Variants in KCNK10 observed in about 807,000 individuals in gnomAD.
KCNK10 encodes the protein potassium channel subfamily K member 10.
KCNK10 carries 25 observed loss-of-function variants against 47.7 expected under a neutral mutation model. That is an observed-to-expected ratio of 0.52 (90% confidence interval 0.38 to 0.73). KCNK10 has a LOEUF of 0.73. Ranked by LOEUF, KCNK10 falls within the 30% of genes least tolerant of loss-of-function variation. The probability of loss-of-function intolerance (pLI) is 0.00; values close to 1 mark genes in which losing one functional copy is unlikely to be tolerated. For synonymous variants in KCNK10, 303 were observed against 285.6 expected (o/e 1.06, Z -0.61); for missense variants, 563 against 714.5 (o/e 0.79, Z 2.42).
chr14:88,202,936 T>C (rs1414428993), intron 4 of KCNK10, among the ~76,000 whole-genome samples: 1 of 152,132 alleles, frequency 6.6e-6, no homozygotes, highest in African/African-American at 2.4e-5. Context: ...CGACAGAGGG[T>C]GAGGGACTGG....
chr14:88,232,581 C>G (rs1188137758), intron 3 of KCNK10, among the ~76,000 whole-genome samples: 1 of 152,212 alleles, frequency 6.6e-6, no homozygotes, highest in Non-Finnish European at 1.5e-5. Context: ...TAAAGATCCT[C>G]CACTCTGGAG....
intron 1 of KCNK10, among the ~76,000 whole-genome samples, chr14:88,267,929 A>T (rs1007019171): frequency 3.9e-5 from 6 of 152,300 alleles, no homozygotes; most frequent in Middle Eastern, 3.4e-3. Flanking sequence ...CTCTGCTTAC[A>T]TCACTACATT....
At position 88,247,591 on chromosome 14, in the gene KCNK10, C is replaced by A. The variant is rs1886681111; in HGVS notation, c.403-6771G>T. 2.0e-5 allele frequency among the ~76,000 whole-genome samples: 3 copies of A among 152,292 alleles called. No individual in the cohort carries two copies. The South Asian group carries it at 6.2e-4, about 32-fold the overall frequency. On this transcript the variant is annotated intron_variant, in intron 2 of 6. Transcript: ENST00000319231. The stretch of plus-strand genomic sequence containing the variant: ...AGAACTTTACAGCCTAGTTATAAAT[C>A]TAAAGTGAAGGCCACTGGCAGAAAG...
chr14:88,270,654 G>A, intron 1 of KCNK10: 2 of 776,708 alleles, frequency 2.6e-6, no homozygotes, highest in South Asian at 1.4e-5. Flanking sequence ...AGACTGGGGG[G>A]AAGAGGGAGC....
At chr14:88,201,486 CCT>C (rs575347365) in intron 4 of KCNK10, among the ~76,000 whole-genome samples, 23 of 151,968 alleles carry the variant, frequency 1.5e-4, no homozygotes, top group African/African-American at 5.3e-4. Flanking sequence ...ATGGTGAAAC[CCT>C]GTCTCTACTA....
rs17124368 is a variant in KCNK10 at position 88,249,339 on chromosome 14, A to G, written c.403-8519T>C. 6.9e-4 allele frequency among the ~76,000 whole-genome samples: 105 copies of G among 152,298 alleles called. No individual in the cohort carries two copies. In the East Asian group the frequency reaches 0.018, roughly 26 times the overall value. On this transcript the variant is annotated intron_variant, in intron 2 of 6. Transcript: ENST00000319231. Reference sequence around the variant, plus strand: ...GATAACCCATGGACATTGGTTTTAGATCGAAAAGGGTGACCCAGCTTCAAC... The same window carrying G: ...GATAACCCATGGACATTGGTTTTAGGTCGAAAAGGGTGACCCAGCTTCAAC...
intron 1 of KCNK10, among the ~76,000 whole-genome samples, chr14:88,292,540 G>C (rs776749498): frequency 6.6e-6 from 1 of 152,074 alleles, no homozygotes; most frequent in African/African-American, 2.4e-5. Context: ...CAGTAGAGAC[G>C]GGGTTTTACC....
At chr14:88,215,682 A>AC (rs1317812675) in intron 4 of KCNK10, among the ~76,000 whole-genome samples, 1 of 151,864 alleles carries the variant, frequency 6.6e-6, no homozygotes, top group Admixed American at 6.6e-5. Flanking sequence ...ATAACTTCCC[A>AC]CCCCAAAGTA....
chr14:88,220,790 C>T (rs1444670995), intron 4 of KCNK10, among the ~76,000 whole-genome samples: 1 of 151,910 alleles, frequency 6.6e-6, no homozygotes, highest in Admixed American at 6.6e-5. Context: ...ATCTACATGA[C>T]CTTGAGTATG....
chr14:88,248,628 T>C (rs1196100829), intron 2 of KCNK10, among the ~76,000 whole-genome samples: 18 of 151,726 alleles, frequency 1.2e-4, no homozygotes. Context: ...ACTCGGGAGG[T>C]TCAGGTGGGA....
At chr14:88,204,646 G>A (rs1007475067) in intron 4 of KCNK10, among the ~76,000 whole-genome samples, 1 of 147,716 alleles carries the variant, frequency 6.8e-6, no homozygotes, top group African/African-American at 2.5e-5. Context: ...TGTAGTAGCA[G>A]TTAGTTTGCA....
At chr14:88,195,025 T>C (rs2139830898) in intron 4 of KCNK10, among the ~76,000 whole-genome samples, 1 of 89,930 alleles carries the variant, frequency 1.1e-5, no homozygotes, top group South Asian at 3.5e-4. Flanking sequence ...CTCTAGGTAT[T>C]TAAAAAAAAA....
At chr14:88,266,625 T>A (rs1388739946) in intron 1 of KCNK10, among the ~76,000 whole-genome samples, 1 of 152,106 alleles carries the variant, frequency 6.6e-6, no homozygotes, top group Non-Finnish European at 1.5e-5. Flanking sequence ...AAAAGCCCCA[T>A]CGGAATCACC....
At chr14:88,298,612 G>T (rs148905564) in intron 1 of KCNK10, among the ~76,000 whole-genome samples, 1 of 152,058 alleles carries the variant, frequency 6.6e-6, no homozygotes, top group East Asian at 1.9e-4. Context: ...CTCCTCCAGT[G>T]CCCCCCTAGC....
rs539406454 is a variant in KCNK10, at chr14:88,260,725, A to G, written c.402+2477T>C. Among the ~76,000 whole-genome samples, 7 of 152,354 alleles carry G rather than the reference A, an allele frequency of 4.6e-5. No homozygotes were observed. On this transcript the variant is annotated intron_variant, in intron 2 of 6. Coordinates refer to ENST00000319231, the MANE Select transcript of KCNK10 (RefSeq NM_138317.3). The surrounding 1 kb of genome is among the most constrained non-coding windows in gnomAD (Gnocchi z 4.5). The stretch of plus-strand genomic sequence containing the variant: ...TGTTGTTGATAAGATTAAATGAGAT[A>G]ATGGGTATATGATGCCCAGCTCATA...
intron 1 of KCNK10, among the ~76,000 whole-genome samples, chr14:88,263,856 T>C (rs575082879): frequency 7.6e-4 from 115 of 152,182 alleles, no homozygotes; most frequent in African/African-American, 2.7e-3. Context: ...ATAATTCACC[T>C]CCTCCCTTAG....
At chr14:88,282,267 G>C (rs1288669562) in intron 1 of KCNK10, among the ~76,000 whole-genome samples, 1 of 152,176 alleles carries the variant, frequency 6.6e-6, no homozygotes, top group Non-Finnish European at 1.5e-5. Context: ...GCAAATGCTG[G>C]AACCAGGATA....
intron 1 of KCNK10, among the ~76,000 whole-genome samples, chr14:88,307,562 C>T (rs1031964157): frequency 6.6e-6 from 1 of 152,122 alleles, no homozygotes; most frequent in Non-Finnish European, 1.5e-5. Context: ...TGTGAATATA[C>T]TAAAAACCAC....
rs553730000 is a variant in KCNK10, at chr14:88,248,621, C to T, written c.403-7801G>A. 1.4e-4 allele frequency among the ~76,000 whole-genome samples: 21 copies of T among 152,010 alleles called. No individual in the cohort carries two copies. In the South Asian group the frequency reaches 4.0e-3, roughly 29 times the overall value. On this transcript the variant is annotated intron_variant, in intron 2 of 6. Coordinates refer to ENST00000319231, the MANE Select transcript of KCNK10 (RefSeq NM_138317.3). ...GTGCATGCCTGTAGTCCTAGCCACT[C>T]GGGAGGTTCAGGTGGGAGGATCGTT... is the stretch of plus-strand genomic sequence containing the variant.
Sources: gnomAD v4.1 joint callset for allele counts (sites outside exome capture counted in the v4.1 genomes callset) on GRCh38, gnomAD v4.1.1 for gene constraint, Gnocchi (gnomAD v3.1) non-coding constraint, MANE v1.5 for transcripts, NCBI Gene and HGNC (gene_info 2026-07-23, HGNC 2026-07-21) for gene names.